Variants in LGR4 observed in about 807,000 individuals in gnomAD.
LGR4 encodes leucine-rich repeat-containing G protein-coupled receptor 4.
Under a neutral mutation model 84.8 loss-of-function variants are expected in LGR4, and 44 were observed. The ratio of observed to expected loss-of-function variants is 0.52; its 90% CI spans 0.41 to 0.67. The LOEUF is 0.67. Among genes scored for constraint, LGR4 ranks in the 30% least tolerant of loss-of-function variants. The pLI, the probability that LGR4 is intolerant of heterozygous loss-of-function variation, is 0.00. For synonymous variants in LGR4, 429 were observed against 434.3 expected (o/e 0.99, Z 0.15); for missense variants, 1,032 against 1,131.4 (o/e 0.91, Z 1.26).
At chr11:27,460,679 C>A (rs1441962351) in intron 1 of LGR4, among the ~76,000 whole-genome samples, 1 of 152,192 alleles carries the variant, frequency 6.6e-6, no homozygotes, top group African/African-American at 2.4e-5. Flanking sequence ...GATTTGCCAA[C>A]CTACCATGAA....
Position 27,368,193 on chromosome 11 carries a change from C to T in LGR4, c.2530G>A (p.Asp844Asn), listed in dbSNP as rs575009262. The change falls in exon 18 of 18, where the codon GAC becomes AAC. Residue 844 changes from aspartate (D) to asparagine (N), a missense_variant. Transcript: ENST00000379214. Reference sequence around the variant, plus strand: ...TGCAAATGTGAGTACATGCCACAGTCGTAGTAGAAATCCTGTTCCAGACAA... The same window carrying T: ...TGCAAATGTGAGTACATGCCACAGTTGTAGTAGAAATCCTGTTCCAGACAA... ...GGCLEQDFYY[D>N]CGMYSHLQGN... is the part of the protein sequence containing the mutation. 5.6e-6 allele frequency: 9 copies of T among 1,614,172 alleles called. No homozygotes were observed. Among genetic ancestry groups the T allele is most frequent in the South Asian group, 2.2e-5 (2 of 91,060 alleles).
chr11:27,435,861 C>A (rs1864198178), intron 1 of LGR4, among the ~76,000 whole-genome samples: 1 of 151,950 alleles, frequency 6.6e-6, no homozygotes, highest in Admixed American at 6.6e-5. Context: ...CACAATAATC[C>A]TAAGAGGTAG....
At chr11:27,443,907 A>T (rs1864343519) in intron 1 of LGR4, among the ~76,000 whole-genome samples, 1 of 152,206 alleles carries the variant, frequency 6.6e-6, no homozygotes, top group African/African-American at 2.4e-5. Flanking sequence ...ATTCAGTTTC[A>T]AAATGGACAA....
intron 15 of LGR4, among the ~76,000 whole-genome samples, chr11:27,372,711 G>A (rs1255408797): frequency 6.6e-6 from 1 of 152,122 alleles, no homozygotes; most frequent in Non-Finnish European, 1.5e-5. Flanking sequence ...TTTTATAAAT[G>A]TATTAACTAT....
At chr11:27,414,953 T>G (rs539479656) in intron 1 of LGR4, among the ~76,000 whole-genome samples, 3 of 152,136 alleles carry the variant, frequency 2.0e-5, no homozygotes, top group African/African-American at 4.8e-5. Flanking sequence ...GTCTACCTTT[T>G]CAGATAAAAA....
At chr11:27,375,224 G>A (rs1207176439) in intron 13 of LGR4, among the ~76,000 whole-genome samples, 7 of 149,066 alleles carry the variant, frequency 4.7e-5, no homozygotes, top group East Asian at 2.0e-4. Context: ...GAGCTCAGGC[G>A]TTGGAGGATG....
intron 1 of LGR4, among the ~76,000 whole-genome samples, chr11:27,415,090 T>C (rs890838175): frequency 1.3e-5 from 2 of 152,144 alleles, no homozygotes; most frequent in Non-Finnish European, 2.9e-5. Flanking sequence ...CCTTAACCAA[T>C]AAAATCATTC....
At chr11:27,453,262 T>C (rs903832960) in intron 1 of LGR4, among the ~76,000 whole-genome samples, 1 of 152,098 alleles carries the variant, frequency 6.6e-6, no homozygotes, top group Non-Finnish European at 1.5e-5. Flanking sequence ...AAAGACAGGG[T>C]TTCACTGTGT....
chr11:27,401,019 C>A (rs182867217), intron 2 of LGR4, among the ~76,000 whole-genome samples: 3 of 152,226 alleles, frequency 2.0e-5, no homozygotes, highest in Admixed American at 2.0e-4. Flanking sequence ...ACTTTTGCAT[C>A]TTCATATAAC....
intron 4 of LGR4, 183 bp from the exon 5 acceptor site, chr11:27,385,651 T>G (rs1273134984): frequency 2.4e-6 from 1 of 409,872 alleles, no homozygotes; most frequent in Admixed American, 4.4e-5. Context: ...TGAAAGTCAG[T>G]TCTTTCTCTT....
intron 1 of LGR4, among the ~76,000 whole-genome samples, chr11:27,460,323 C>G (rs1864658608): frequency 6.6e-6 from 1 of 152,048 alleles, no homozygotes; most frequent in African/African-American, 2.4e-5. Flanking sequence ...GGACAATGAT[C>G]AATTGATCTC....
chr11:27,373,734 C>G lies in LGR4; in HGVS notation c.1254-58G>C, dbSNP rs552624670. The G allele has an allele frequency of 6.3e-6, 9 of 1,418,686 alleles. No individual in the cohort carries two copies. In the East Asian group the frequency reaches 2.1e-4, roughly 33 times the overall value. 87.9% of individuals were successfully genotyped at this position (1,418,686 alleles called of 1,614,324 possible). A position where few individuals can be genotyped will look rare whatever the true frequency, so the allele number is the denominator to read the frequency against. On this transcript the variant is annotated intron_variant, in intron 14 of 17. Coordinates refer to ENST00000379214, the MANE Select transcript of LGR4 (RefSeq NM_018490.5). ...CAATATATAAATCACATAAAAACAT[C>G]TGTACACGTATTAACATCATAAATA...
intron 3 of LGR4, 70 bp from the exon 4 acceptor site, chr11:27,391,235 CTT>C (rs35556457): frequency 0.53 from 234,353 of 439,202 alleles, 40,644 homozygotes; most frequent in African/African-American, 0.76. Flanking sequence ...AATTCAGAGC[CTT>C]TTTTTTTTTT....
At chr11:27,429,953 A>G (rs1864088448) in intron 1 of LGR4, among the ~76,000 whole-genome samples, 1 of 152,148 alleles carries the variant, frequency 6.6e-6, no homozygotes, top group South Asian at 2.1e-4. Context: ...AAGTTCCCCC[A>G]TCAGTGAGCA....
intron 1 of LGR4, among the ~76,000 whole-genome samples, chr11:27,425,193 T>C (rs765774241): frequency 1.3e-5 from 2 of 152,132 alleles, no homozygotes; most frequent in African/African-American, 2.4e-5. Flanking sequence ...GTTGAAGAGA[T>C]ACATAGCAAT....
intron 1 of LGR4, among the ~76,000 whole-genome samples, chr11:27,431,511 A>G (rs1864116067): frequency 6.6e-6 from 1 of 152,234 alleles, no homozygotes; most frequent in Non-Finnish European, 1.5e-5. Context: ...CCTATTCCAT[A>G]ACCAATATTT....
intron 2 of LGR4, among the ~76,000 whole-genome samples, chr11:27,402,548 T>A (rs1375287167): frequency 6.6e-6 from 1 of 152,172 alleles, no homozygotes; most frequent in Non-Finnish European, 1.5e-5. Context: ...TTGAGTTTTG[T>A]CACTTGCTGC....
At chr11:27,409,290 T>C (rs1012125333) in intron 2 of LGR4, among the ~76,000 whole-genome samples, 4 of 151,972 alleles carry the variant, frequency 2.6e-5, no homozygotes, top group Non-Finnish European at 5.9e-5. Context: ...CTGGGCTCTA[T>C]GGGCCTGACT....
chr11:27,405,601 C>T (rs1863591099), intron 2 of LGR4, among the ~76,000 whole-genome samples: 1 of 152,144 alleles, frequency 6.6e-6, no homozygotes, highest in Non-Finnish European at 1.5e-5. Flanking sequence ...TAATTATCTT[C>T]TCTTCTAAAA....
Sources: gnomAD v4.1 joint callset for allele counts (sites outside exome capture counted in the v4.1 genomes callset) on GRCh38, gnomAD v4.1.1 for gene constraint, MANE v1.5 for transcripts, NCBI Gene and HGNC (gene_info 2026-07-23, HGNC 2026-07-21) for gene names.